The following DPP6 variants were observed in gnomAD, a reference collection of about 807,000 sequenced individuals.
DPP6 encodes the protein A-type potassium channel modulatory protein DPP6.
A neutral mutation model predicts 122.6 loss-of-function variants in DPP6; 69 were observed. That is an observed-to-expected ratio of 0.56 (90% confidence interval 0.46 to 0.69). The LOEUF (loss-of-function observed/expected upper bound fraction) is 0.69, where lower values mean the gene tolerates loss of function less well. Among genes scored for constraint, DPP6 ranks in the 30% least tolerant of loss-of-function variants. The pLI is 0.00. For missense variants in DPP6, 928 were observed against 1,116.9 expected, an observed-to-expected ratio of 0.83 and a Z score of 2.41; for synonymous variants, 418 against 433.1, an observed-to-expected ratio of 0.97 and a Z score of 0.43.
chr7:154,769,565 TC>T lies in DPP6; in HGVS notation c.1035del (p.Lys346ArgfsTer16). The T allele has an allele frequency of 1.3e-6, 2 of 1,598,624 alleles. No homozygotes were observed. The highest frequency in any genetic ancestry group is 1.7e-6 in the Non-Finnish European group (2 of 1,170,370). On this transcript the variant is annotated frameshift_variant, in exon 9 of 26. Transcript: ENST00000377770. LOFTEE classifies it high-confidence loss of function. ...ACCCCACCGTGAAGCCCTACCACTA[TC>T]CCAAGGTAGGCAAAGGGACACCGCA... is the stretch of plus-strand genomic sequence containing the variant. ...IYPTVKPYHY[P>X]KAGSENPSIS...
intron 7 of DPP6, among the ~76,000 whole-genome samples, chr7:154,690,355 A>G (rs1461854001): frequency 6.6e-6 from 1 of 152,136 alleles, no homozygotes; most frequent in Non-Finnish European, 1.5e-5. Flanking sequence ...GACGGTAAGC[A>G]GAACTTAGGT....
chr7:154,248,648 T>C (rs1802144751), intron 1 of DPP6, among the ~76,000 whole-genome samples: 1 of 152,148 alleles, frequency 6.6e-6, no homozygotes. Context: ...GGTGGATCAC[T>C]TGACATCAGG....
chr7:153,847,729 T>C, the DPP6 span, among the ~76,000 whole-genome samples: 1 of 152,216 alleles, frequency 6.6e-6, no homozygotes, highest in African/African-American at 2.4e-5. Flanking sequence ...CTTCCTCTGA[T>C]GGGCAGCAAT....
chr7:153,984,938 G>T (rs2129039564), intron 1 of DPP6, among the ~76,000 whole-genome samples: 1 of 152,258 alleles, frequency 6.6e-6, no homozygotes, highest in South Asian at 2.1e-4. Flanking sequence ...TGCATATTCA[G>T]TGCACTAGGG....
chr7:153,822,323 G>A, the DPP6 span, among the ~76,000 whole-genome samples: 1 of 151,608 alleles, frequency 6.6e-6, no homozygotes, highest in African/African-American at 2.4e-5. Flanking sequence ...CCGAGTAGCT[G>A]GGACTACAGG....
the DPP6 span, among the ~76,000 whole-genome samples, chr7:153,798,009 T>C: frequency 6.6e-6 from 1 of 151,950 alleles, no homozygotes; most frequent in South Asian, 2.1e-4. Flanking sequence ...GCCCAGCTAA[T>C]TTTTTTGTAT....
chr7:153,974,125 G>A (rs1246048254), intron 1 of DPP6, among the ~76,000 whole-genome samples: 1 of 152,072 alleles, frequency 6.6e-6, no homozygotes, highest in African/African-American at 2.4e-5. Context: ...AGAATCCGTG[G>A]GCTTTTTCTG....
chr7:154,132,224 GT>G (rs759122909), intron 1 of DPP6, among the ~76,000 whole-genome samples: 10 of 152,104 alleles, frequency 6.6e-5, no homozygotes, highest in Non-Finnish European at 8.8e-5. Context: ...TGATTTGCTG[GT>G]TTTACTGCTG....
At chr7:154,651,598 A>G (rs1836878094) in intron 6 of DPP6, among the ~76,000 whole-genome samples, 1 of 152,078 alleles carries the variant, frequency 6.6e-6, no homozygotes. Context: ...TGTGTCAGGT[A>G]TTTTGCCCAA....
In DPP6 at chr7:154,052,706, TGCC is replaced by T. The variant is rs1248742745; in HGVS notation, c.-114_-112del. On this transcript the variant is annotated 5_prime_UTR_variant, in exon 1 of 26. Coordinates refer to ENST00000377770, the MANE Select transcript of DPP6 (RefSeq NM_130797.4). The surrounding 1 kb of genome is among the most constrained non-coding windows in gnomAD (Gnocchi z 4.8). ...CTTGCCTTGCTGCTGCTGCTGCTGCTGCCTCCCCACCGCCTTTTTTTTTTTTTA... is the reference window on the plus strand; with the variant it reads ...CTTGCCTTGCTGCTGCTGCTGCTGCTTCCCCACCGCCTTTTTTTTTTTTTA... 1 of 1,198,580 alleles carries T rather than the reference TGCC, an allele frequency of 8.3e-7. No individual in the cohort carries two copies. The highest frequency in any genetic ancestry group is 1.0e-6 in the Non-Finnish European group (1 of 954,930). The allele number at this position is 1,198,580 out of a possible 1,614,324, so 74.2% of individuals were successfully genotyped here.
chr7:154,655,289 G>C (rs769738235), intron 6 of DPP6, among the ~76,000 whole-genome samples: 2 of 152,066 alleles, frequency 1.3e-5, no homozygotes, highest in Non-Finnish European at 2.9e-5. Context: ...AGTAAACTTC[G>C]CTGCACTAAT....
chr7:154,312,659 G>T (rs964849525), intron 1 of DPP6, among the ~76,000 whole-genome samples: 1 of 152,174 alleles, frequency 6.6e-6, no homozygotes, highest in Non-Finnish European at 1.5e-5. Flanking sequence ...CAAATCTGCT[G>T]ATTAAAATGG....
chr7:154,631,883 G>A, intron 5 of DPP6, among the ~76,000 whole-genome samples: 1 of 152,188 alleles, frequency 6.6e-6, no homozygotes, highest in Admixed American at 6.5e-5. Flanking sequence ...GCTTAGTCTT[G>A]CAAAGGAAGA....
intron 7 of DPP6, among the ~76,000 whole-genome samples, chr7:154,673,975 A>C (rs922717657): frequency 6.6e-6 from 1 of 151,942 alleles, no homozygotes; most frequent in Non-Finnish European, 1.5e-5. Context: ...TCCTGGGTTC[A>C]AGCAATTTTC....
At chr7:154,043,042 G>C (rs182684159) in intron 1 of DPP6, among the ~76,000 whole-genome samples, 1 of 152,276 alleles carries the variant, frequency 6.6e-6, no homozygotes, top group East Asian at 1.9e-4. Flanking sequence ...TTCTAGGCTT[G>C]AAGTTTTTTG....
At chr7:153,965,797 C>G (rs1795678453) in intron 1 of DPP6, among the ~76,000 whole-genome samples, 1 of 152,006 alleles carries the variant, frequency 6.6e-6, no homozygotes, top group Admixed American at 6.6e-5. Context: ...TCCCATGCAC[C>G]ATTTCCATCA....
intron 1 of DPP6, among the ~76,000 whole-genome samples, chr7:154,287,832 T>C (rs917175884): frequency 6.6e-6 from 1 of 152,164 alleles, no homozygotes; most frequent in African/African-American, 2.4e-5. Context: ...GGGAAGGTTG[T>C]CCTGAGATGT....
intron 1 of DPP6, among the ~76,000 whole-genome samples, chr7:153,891,705 A>G (rs10234609): frequency 0.015 from 2,243 of 152,250 alleles, 61 homozygotes; most frequent in African/African-American, 0.052. Flanking sequence ...TTTTTCAGAC[A>G]TTGAGTTGCT....
At chr7:154,113,834 A>G (rs1452651150) in intron 1 of DPP6, among the ~76,000 whole-genome samples, 3 of 152,148 alleles carry the variant, frequency 2.0e-5, no homozygotes, top group Admixed American at 6.5e-5. Flanking sequence ...TTTGGAAGAG[A>G]CTGTTATTTT....
Sources: allele counts gnomAD v4.1 joint callset (sites outside exome capture counted in the v4.1 genomes callset), GRCh38; gene constraint gnomAD v4.1.1; non-coding constraint Gnocchi (gnomAD v3.1); transcripts MANE v1.5; gene names NCBI Gene and HGNC (gene_info 2026-07-23, HGNC 2026-07-21).